Variants in COL14A1 observed in about 807,000 individuals in gnomAD.
COL14A1 encodes collagen alpha-1(XIV) chain.
COL14A1 carries 136 observed loss-of-function variants against 230.3 expected under a neutral mutation model. That is an observed-to-expected ratio of 0.59 (90% confidence interval 0.51 to 0.68). The LOEUF (loss-of-function observed/expected upper bound fraction) is 0.68, where lower values mean the gene tolerates loss of function less well. Among genes scored for constraint, COL14A1 ranks in the 30% least tolerant of loss-of-function variants. COL14A1 has a pLI of 0.00. For synonymous variants in COL14A1, 792 were observed against 784.1 expected (o/e 1.01, Z -0.17); for missense variants, 1,976 against 2,215.8 (o/e 0.89, Z 2.17).
Position 120,227,323 on chromosome 8 carries a change from G to C in COL14A1, c.2108G>C (p.Ser703Thr). Residue 703 changes from serine (S) to threonine (T), a missense_variant, in exon 17 of 48, where the codon AGT becomes ACT. Around this residue, in one of 3 missense-constraint regions of COL14A1, gnomAD observed 1,791 missense variants for 2,019.5 expected, o/e 0.89. Coordinates refer to ENST00000297848, the MANE Select transcript of COL14A1 (RefSeq NM_021110.4). Reference protein sequence around the residue: ...LLAVLDDGSESEVVTAVGTTL... With the variant: ...LLAVLDDGSETEVVTAVGTTL... ...GCCGTACTTGATGATGGAAGCGAGA[G>C]TGAGGTGGTGACTGCTGTCGGGACC... 6.2e-7 allele frequency: 1 copy of C among 1,613,948 alleles called. No individual in the cohort carries two copies. The highest frequency in any genetic ancestry group is 2.2e-5 in the East Asian group (1 of 44,872).
At chr8:120,308,391 T>A (rs1273624258) in intron 36 of COL14A1, among the ~76,000 whole-genome samples, 1 of 152,236 alleles carries the variant, frequency 6.6e-6, no homozygotes, top group Non-Finnish European at 1.5e-5. Flanking sequence ...CAGACAACTA[T>A]GCAACAGTTA....
intron 1 of COL14A1, 22 bp downstream of exon 1, chr8:120,125,362 C>T (rs1418425336): frequency 1.3e-5 from 2 of 152,364 alleles, no homozygotes; most frequent in Non-Finnish European, 2.9e-5. Context: ...TTTCTCTGCT[C>T]TTCTTTGGCT....
intron 17 of COL14A1, 133 bp downstream of exon 17, chr8:120,227,485 A>G: frequency 1.8e-6 from 2 of 1,103,398 alleles, no homozygotes; most frequent in Non-Finnish European, 2.6e-6. Flanking sequence ...AGAATTCTTC[A>G]TATATCTTCA....
chr8:120,134,377 G>A (rs929013579), intron 1 of COL14A1, among the ~76,000 whole-genome samples: 7 of 151,948 alleles, frequency 4.6e-5, no homozygotes, highest in Non-Finnish European at 1.0e-4. Context: ...GTGATCAAAA[G>A]GTAAATTATT....
intron 43 of COL14A1, among the ~76,000 whole-genome samples, chr8:120,342,045 G>A (rs778924541): frequency 4.6e-5 from 7 of 152,172 alleles, no homozygotes; most frequent in Non-Finnish European, 8.8e-5. Context: ...GCCACTGCTC[G>A]AGAAAGTGCT....
chr8:120,201,141 A>G (rs1434590154), intron 8 of COL14A1, among the ~76,000 whole-genome samples: 1 of 152,118 alleles, frequency 6.6e-6, no homozygotes, highest in African/African-American at 2.4e-5. Context: ...TAAGTGATGT[A>G]TATTATCCTA....
At position 120,332,697 on chromosome 8, in the gene COL14A1, A is replaced by G. The variant is rs116746171; in HGVS notation, c.4747A>G (p.Thr1583Ala). 1.2e-6 allele frequency: 2 copies of G among 1,613,544 alleles called. No homozygotes were observed. The highest frequency in any genetic ancestry group is 4.5e-5 in the East Asian group (2 of 44,864). Residue 1583 changes from threonine (T) to alanine (A), a missense_variant, in exon 42 of 48, where the codon ACA becomes GCA. Thr to Ala is a moderately conservative substitution (Grantham distance 58, BLOSUM62 0). Around this residue, in one of 3 missense-constraint regions of COL14A1, gnomAD observed 1,791 missense variants for 2,019.5 expected, o/e 0.89. Coordinates refer to ENST00000297848, the MANE Select transcript of COL14A1 (RefSeq NM_021110.4). ...IPGTPGVPGI[T>A]GSMGPQGALG... ...TGGCACCCCTGGAGTCCCAGGGATC[A>G]CAGGAAGCATGGGACCGCAAGGCGC...
intron 26 of COL14A1, among the ~76,000 whole-genome samples, chr8:120,271,530 T>A (rs1250934064): frequency 6.6e-6 from 1 of 151,700 alleles, no homozygotes; most frequent in African/African-American, 2.4e-5. Context: ...ACAGTTATTT[T>A]AAATTGTATG....
chr8:120,292,270 C>T (rs1473323453), intron 34 of COL14A1, among the ~76,000 whole-genome samples: 1 of 152,084 alleles, frequency 6.6e-6, no homozygotes, highest in Non-Finnish European at 1.5e-5. Context: ...TCAATCTTTA[C>T]TTTTGGCCAT....
intron 1 of COL14A1, among the ~76,000 whole-genome samples, chr8:120,146,030 T>C (rs1815080413): frequency 6.6e-6 from 1 of 152,190 alleles, no homozygotes; most frequent in African/African-American, 2.4e-5. Flanking sequence ...GCTTCTACCA[T>C]GTCTGATCAT....
chr8:120,330,978 G>A (rs1821842509), intron 40 of COL14A1, among the ~76,000 whole-genome samples: 1 of 152,096 alleles, frequency 6.6e-6, no homozygotes, highest in African/African-American at 2.4e-5. Context: ...GGTGGTGCAT[G>A]GCTGTCATCC....
chr8:120,218,284 G>GATATATAATATATATAATATATATCATAT (rs1817827724), intron 14 of COL14A1, among the ~76,000 whole-genome samples: 1 of 137,444 alleles, frequency 7.3e-6, no homozygotes, highest in African/African-American at 2.7e-5. Context: ...TATATAAATA[G>GATATATAATATATATAATATATATCATAT]ATATATAATA....
chr8:120,160,721 T>G (rs1815635488), intron 3 of COL14A1, among the ~76,000 whole-genome samples: 1 of 152,190 alleles, frequency 6.6e-6, no homozygotes, highest in African/African-American at 2.4e-5. Flanking sequence ...TGCAAAATGT[T>G]TATAGCTGTT....
Position 120,209,831 on chromosome 8 carries a change from T to A in COL14A1, c.1397T>A (p.Val466Glu). ...ENSMRVKWDAVPGASGYLILY... is the reference protein window; with the variant it reads ...ENSMRVKWDAEPGASGYLILY... ...AGCATGCGAGTCAAATGGGATGCAGTGCCTGGGGCCTCAGGTTACCTGATC... is the reference window on the plus strand; with the variant it reads ...AGCATGCGAGTCAAATGGGATGCAGAGCCTGGGGCCTCAGGTTACCTGATC... The change falls in exon 12 of 48, where the codon GTG (valine) becomes GAG (glutamate). Residue 466 changes from valine (V) to glutamate (E), a missense_variant. This residue lies in a region of COL14A1 where 1,791 missense variants were observed against 2,019.5 expected (regional missense o/e 0.89). Coordinates refer to ENST00000297848, the MANE Select transcript of COL14A1 (RefSeq NM_021110.4). The A allele has an allele frequency of 6.2e-7, 1 of 1,613,966 alleles. No individual in the cohort carries two copies. Among genetic ancestry groups the A allele is most frequent in the Non-Finnish European group, 8.5e-7 (1 of 1,179,894 alleles).
chr8:120,247,389 C>T (rs747319539), intron 20 of COL14A1, among the ~76,000 whole-genome samples: 4 of 151,434 alleles, frequency 2.6e-5, no homozygotes, highest in Non-Finnish European at 5.9e-5. Flanking sequence ...TGCCACTGCA[C>T]TCCAGCCTGG....
intron 34 of COL14A1, among the ~76,000 whole-genome samples, chr8:120,294,698 C>T (rs1820472444): frequency 6.6e-6 from 1 of 151,320 alleles, no homozygotes. Context: ...TTTAATCAAT[C>T]CCCTGAAATG....
chr8:120,266,989 G>C (rs1053664404), intron 25 of COL14A1, 106 bp downstream of exon 25: 7 of 994,812 alleles, frequency 7.0e-6, no homozygotes, highest in African/African-American at 1.6e-5. Context: ...TATTTATTGT[G>C]CTACCTAATT....
chr8:120,293,568 A>G (rs1236453351), intron 34 of COL14A1, among the ~76,000 whole-genome samples: 2 of 151,826 alleles, frequency 1.3e-5, no homozygotes, highest in African/African-American at 4.8e-5. Context: ...TTAAGAAGCT[A>G]GGGTCAGGTC....
chr8:120,272,250 G>T (rs557479216), intron 26 of COL14A1, among the ~76,000 whole-genome samples: 2 of 151,824 alleles, frequency 1.3e-5, no homozygotes, highest in East Asian at 3.9e-4. Flanking sequence ...AATGGTGAGA[G>T]AATTTGTCAC....
Sources: gnomAD v4.1 joint callset for allele counts (sites outside exome capture counted in the v4.1 genomes callset) on GRCh38, gnomAD v4.1.1 for gene constraint, gnomAD v4.1.1 regional missense constraint, MANE v1.5 for transcripts, NCBI Gene and HGNC (gene_info 2026-07-23, HGNC 2026-07-21) for gene names.